ZNF892: variants seen among roughly 807,000 people sequenced by gnomAD.
ZNF892 encodes the protein zinc finger protein 570-like.
chr2:95,252,968 T>C, the ZNF892 span, among the ~76,000 whole-genome samples: 1 of 152,210 alleles, frequency 6.6e-6, no homozygotes, highest in Non-Finnish European at 1.5e-5. Context: ...TTGAGTTCAT[T>C]GTAGATTCTG....
At chr2:95,220,262 G>A in the ZNF892 span, among the ~76,000 whole-genome samples, 1 of 152,026 alleles carries the variant, frequency 6.6e-6, no homozygotes, top group Non-Finnish European at 1.5e-5. Context: ...CTTTGAAGTA[G>A]GATTGTGGTT....
chr2:95,247,341 A>G, the ZNF892 span, among the ~76,000 whole-genome samples: 13 of 152,178 alleles, frequency 8.5e-5, no homozygotes, highest in African/African-American at 2.9e-4. Flanking sequence ...ACCTTTCACT[A>G]TATACAAATA....
the ZNF892 span, among the ~76,000 whole-genome samples, chr2:95,255,718 C>T: frequency 3.9e-5 from 6 of 152,128 alleles, no homozygotes; most frequent in Non-Finnish European, 8.8e-5. Flanking sequence ...GAGTCTAAGT[C>T]TCTTTGTAGG....
At chr2:95,244,941 T>G in the ZNF892 span, among the ~76,000 whole-genome samples, 1 of 152,158 alleles carries the variant, frequency 6.6e-6, no homozygotes, top group South Asian at 2.1e-4. Flanking sequence ...GAATGACTCT[T>G]GGGTAAATCA....
At chr2:95,209,361 G>A in the ZNF892 span, among the ~76,000 whole-genome samples, 1 of 152,154 alleles carries the variant, frequency 6.6e-6, no homozygotes, top group Non-Finnish European at 1.5e-5. Flanking sequence ...AGGGAAGCTC[G>A]GCTGTGTTGT....
At chr2:95,220,086 C>A in the ZNF892 span, among the ~76,000 whole-genome samples, 2 of 152,036 alleles carry the variant, frequency 1.3e-5, no homozygotes, top group African/African-American at 4.8e-5. Context: ...GCTGCCAGGG[C>A]AATGTGTGGG....
the ZNF892 span, among the ~76,000 whole-genome samples, chr2:95,211,985 C>CTTAA: frequency 6.6e-6 from 1 of 152,194 alleles, no homozygotes; most frequent in African/African-American, 2.4e-5. Context: ...GAAAACAACT[C>CTTAA]TTAAGAGAAT....
chr2:95,217,574 A>C, the ZNF892 span, among the ~76,000 whole-genome samples: 3 of 152,240 alleles, frequency 2.0e-5, no homozygotes, highest in African/African-American at 7.2e-5. Flanking sequence ...ATGTGCTTCC[A>C]AAATACATTT....
chr2:95,227,217 A>G, the ZNF892 span, among the ~76,000 whole-genome samples: 1 of 149,962 alleles, frequency 6.7e-6, no homozygotes, highest in Admixed American at 6.7e-5. Flanking sequence ...TTGTCTATGC[A>G]TGTTTTCCTT....
chr2:95,237,349 T>C, the ZNF892 span, among the ~76,000 whole-genome samples: 33 of 152,112 alleles, frequency 2.2e-4, no homozygotes, highest in African/African-American at 7.7e-4. Context: ...AGTTTCACCA[T>C]GTTGGCCAGG....
the ZNF892 span, among the ~76,000 whole-genome samples, chr2:95,241,908 G>C: frequency 6.6e-6 from 1 of 151,954 alleles, no homozygotes; most frequent in Non-Finnish European, 1.5e-5. Context: ...GAGCTCAAAG[G>C]CTATCTTTCT....
At chr2:95,248,951 T>C in the ZNF892 span, among the ~76,000 whole-genome samples, 4 of 151,962 alleles carry the variant, frequency 2.6e-5, no homozygotes, top group East Asian at 5.8e-4. Flanking sequence ...TATTGATTGA[T>C]TGATTGATTG....
chr2:95,246,079 C>T, the ZNF892 span, among the ~76,000 whole-genome samples: 5 of 152,148 alleles, frequency 3.3e-5, 1 homozygote, highest in South Asian at 1.0e-3. Flanking sequence ...AAATTTCAAG[C>T]CAATTTCCTT....
the ZNF892 span, among the ~76,000 whole-genome samples, chr2:95,258,164 C>T: frequency 6.3e-4 from 96 of 152,322 alleles, no homozygotes; most frequent in African/African-American, 2.2e-3. Context: ...GTCGCTCACG[C>T]TGGGAGCTGT....
At chr2:95,228,802 T>C in the ZNF892 span, among the ~76,000 whole-genome samples, 1 of 152,180 alleles carries the variant, frequency 6.6e-6, no homozygotes, top group Non-Finnish European at 1.5e-5. Flanking sequence ...GGAAAATATC[T>C]TGGGCCCCCA....
chr2:95,253,265 G>T, the ZNF892 span, among the ~76,000 whole-genome samples: 2 of 152,146 alleles, frequency 1.3e-5, no homozygotes, highest in Non-Finnish European at 2.9e-5. Flanking sequence ...TTTGTATAAG[G>T]TGTAAGGAAG....
At chr2:95,221,447 G>T in the ZNF892 span, among the ~76,000 whole-genome samples, 3 of 151,990 alleles carry the variant, frequency 2.0e-5, no homozygotes, top group African/African-American at 7.3e-5. Context: ...ATGCAATTTC[G>T]TGATTTTTTT....
At chr2:95,210,199 ATG>A in the ZNF892 span, among the ~76,000 whole-genome samples, 1 of 146,982 alleles carries the variant, frequency 6.8e-6, no homozygotes, top group East Asian at 2.1e-4. Flanking sequence ...ATGTGTATAT[ATG>A]TATATATGTG....
At chr2:95,261,292 A>G in the ZNF892 span, among the ~76,000 whole-genome samples, 1 of 150,466 alleles carries the variant, frequency 6.6e-6, no homozygotes. Context: ...ACCCTTACAC[A>G]ATTCTTTTTT....
Sources: gnomAD v4.1 joint callset for allele counts (sites outside exome capture counted in the v4.1 genomes callset) on GRCh38, gnomAD v4.1.1 for gene constraint, MANE v1.5 for transcripts, NCBI Gene and HGNC (gene_info 2026-07-23, HGNC 2026-07-21) for gene names.